Variants in BARX2 observed in about 807,000 individuals in gnomAD.
The protein encoded by BARX2 is BARX homeobox 2, also known as homeobox protein BarH-like 2.
Under a neutral mutation model 25.5 loss-of-function variants are expected in BARX2, and 11 were observed. That is an observed-to-expected ratio of 0.43 (90% CI 0.27 to 0.71). The LOEUF (loss-of-function observed/expected upper bound fraction) is 0.71, where lower values mean the gene tolerates loss of function less well. Among genes scored for constraint, BARX2 ranks in the 30% least tolerant of loss-of-function variants. BARX2 has a pLI of 0.19. For missense variants in BARX2, 360 were observed against 359.9 expected, an observed-to-expected ratio of 1.00 and a Z score of 0.00; for synonymous variants, 137 against 149.5, an observed-to-expected ratio of 0.92 and a Z score of 0.61.
chr11:129,410,855 C>G (rs60799487), intron 1 of BARX2, among the ~76,000 whole-genome samples: 48,036 of 152,082 alleles, frequency 0.32, 8,937 homozygotes, highest in African/African-American at 0.52. Context: ...TCTGCTGTGC[C>G]TGACTCTGCC....
Position 129,451,424 on chromosome 11 carries a change from G to A in BARX2, c.*22G>A, listed in dbSNP as rs773346630. ...CTAAAGTAAAACCCTTTTGAGGGAAGAGGGAGACTGGGGAGAAGGGAAAAG... is the reference window on the plus strand; with the variant it reads ...CTAAAGTAAAACCCTTTTGAGGGAAAAGGGAGACTGGGGAGAAGGGAAAAG... On this transcript the variant is annotated 3_prime_UTR_variant, in exon 4 of 4. Coordinates refer to ENST00000281437, the MANE Select transcript of BARX2 (RefSeq NM_003658.5). The A allele has an allele frequency of 3.7e-6, 6 of 1,603,554 alleles. No homozygotes were observed. Among genetic ancestry groups the A allele is most frequent in the Non-Finnish European group, 8.5e-7 (1 of 1,171,960 alleles).
chr11:129,416,871 CTTTGTTT>C (rs1213364974), intron 1 of BARX2, among the ~76,000 whole-genome samples: 3 of 137,376 alleles, frequency 2.2e-5, no homozygotes, highest in African/African-American at 8.9e-5. Flanking sequence ...TATCCAGTGT[CTTTGTTT>C]TTTTTTTTTT....
At chr11:129,375,246 G>C (rs1409407510), upstream of BARX2, among the ~76,000 whole-genome samples, 2 of 152,216 alleles carry the variant, frequency 1.3e-5, no homozygotes, top group East Asian at 3.9e-4. This position sits in a 1 kb window ranked among gnomAD's most constrained non-coding sequence, Gnocchi z 4.0. Flanking sequence ...CGCGGGCTGC[G>C]AGACTGCGAG....
intron 1 of BARX2, among the ~76,000 whole-genome samples, chr11:129,411,164 G>A (rs1260232229): frequency 6.6e-6 from 1 of 152,122 alleles, no homozygotes; most frequent in African/African-American, 2.4e-5. Context: ...GAGGTCAAGA[G>A]TTCGAGACCA....
At chr11:129,413,896 T>A (rs574733173) in intron 1 of BARX2, among the ~76,000 whole-genome samples, 7 of 152,062 alleles carry the variant, frequency 4.6e-5, no homozygotes, top group Admixed American at 2.0e-4. Context: ...AACCCGTCTC[T>A]ACTAAATACA....
intron 1 of BARX2, among the ~76,000 whole-genome samples, chr11:129,396,392 C>CTT (rs751936942): frequency 2.1e-5 from 3 of 143,208 alleles, no homozygotes; most frequent in Admixed American, 7.0e-5. Context: ...CCCCACTCAC[C>CTT]TTTTTTTTTT....
intron 1 of BARX2, among the ~76,000 whole-genome samples, chr11:129,420,517 A>G (rs1001800670): frequency 6.6e-6 from 1 of 152,224 alleles, no homozygotes; most frequent in Non-Finnish European, 1.5e-5. Flanking sequence ...ATTAGAAAAA[A>G]TAATCTCTCT....
chr11:129,399,008 T>C (rs1325231944), intron 1 of BARX2, among the ~76,000 whole-genome samples: 3 of 152,216 alleles, frequency 2.0e-5, no homozygotes, highest in African/African-American at 7.2e-5. Flanking sequence ...CATTCTGGAA[T>C]TGCAGTTCAA....
Position 129,411,094 on chromosome 11 carries a change from G to A in BARX2, c.188-25657G>A, listed in dbSNP as rs73024979. Among the ~76,000 whole-genome samples the A allele has an allele frequency of 6.6e-5, 10 of 152,172 alleles. No individual in the cohort carries two copies. The East Asian group carries it at 1.2e-3, about 18-fold the overall frequency. ...TGTTTAAAGAATAGCAGAGTGGGCCGGGCCCAGTGGCTCACGCCTGTAATC... is the reference window on the plus strand; with the variant it reads ...TGTTTAAAGAATAGCAGAGTGGGCCAGGCCCAGTGGCTCACGCCTGTAATC... On this transcript the variant is annotated intron_variant, in intron 1 of 3. Coordinates refer to ENST00000281437, the MANE Select transcript of BARX2 (RefSeq NM_003658.5).
chr11:129,438,264 G>A (rs1198592762), intron 2 of BARX2: 2 of 148,950 alleles, frequency 1.3e-5, no homozygotes, highest in Non-Finnish European at 3.0e-5. Context: ...GGAGGTTGCA[G>A]TGAGCCAAAA....
intron 1 of BARX2, among the ~76,000 whole-genome samples, chr11:129,379,266 C>T (rs1365954272): frequency 6.6e-6 from 1 of 152,128 alleles, no homozygotes. Flanking sequence ...AGAATGCCTC[C>T]ATTTGAAAAG....
chr11:129,439,912 AT>A (rs10694005), intron 2 of BARX2, among the ~76,000 whole-genome samples: 8,593 of 151,072 alleles, frequency 0.057, 320 homozygotes, highest in Middle Eastern at 0.13. Flanking sequence ...AAGTCAGAGA[AT>A]TTTTTTTTTC....
chr11:129,379,250 C>A (rs1861536567), intron 1 of BARX2, among the ~76,000 whole-genome samples: 1 of 152,084 alleles, frequency 6.6e-6, no homozygotes, highest in Non-Finnish European at 1.5e-5. Context: ...AACAGCTAAG[C>A]CCAAAAGAAT....
intron 1 of BARX2, among the ~76,000 whole-genome samples, chr11:129,378,714 C>T (rs7952166): frequency 0.31 from 46,723 of 149,884 alleles, 7,483 homozygotes; most frequent in Non-Finnish European, 0.35. Flanking sequence ...GATTTAAAGA[C>T]GTGTAACAGA....
chr11:129,431,134 C>T (rs979787516), intron 1 of BARX2, among the ~76,000 whole-genome samples: 2 of 152,092 alleles, frequency 1.3e-5, no homozygotes, highest in African/African-American at 2.4e-5. Context: ...GTGCATCAAT[C>T]GTTTTATTGC....
In BARX2 at chr11:129,390,531, G is replaced by A. The variant is rs1169900542; in HGVS notation, c.187+14309G>A. ...GGGAGTAGGCAGGAATGGGGTGGGA[G>A]TGGAAAAGGAATGTTGGCCAATGGG... On this transcript the variant is annotated intron_variant, in intron 1 of 3. Coordinates refer to ENST00000281437, the MANE Select transcript of BARX2 (RefSeq NM_003658.5). This position sits in a 1 kb window ranked among gnomAD's most constrained non-coding sequence, Gnocchi z 4.3. Among the ~76,000 whole-genome samples, 1 of 152,106 alleles carries A rather than the reference G, an allele frequency of 6.6e-6. No homozygotes were observed. The highest frequency in any genetic ancestry group is 2.4e-5 in the African/African-American group (1 of 41,430).
At chr11:129,381,081 C>T (rs377171137) in intron 1 of BARX2, among the ~76,000 whole-genome samples, 5 of 152,130 alleles carry the variant, frequency 3.3e-5, no homozygotes, top group African/African-American at 4.8e-5. Context: ...GCTGTGAAGT[C>T]GGTTTTAACT....
At chr11:129,431,058 C>T (rs558139478) in intron 1 of BARX2, among the ~76,000 whole-genome samples, 10 of 152,196 alleles carry the variant, frequency 6.6e-5, no homozygotes, top group South Asian at 2.1e-4. Flanking sequence ...GACAGGGTTT[C>T]GCCATGTTGG....
chr11:129,393,337 T>G (rs56822901), intron 1 of BARX2, among the ~76,000 whole-genome samples: 5,127 of 152,250 alleles, frequency 0.034, 291 homozygotes, highest in African/African-American at 0.12. Context: ...CTCAAGAATT[T>G]CTTATTTTGA....
Sources: allele counts gnomAD v4.1 joint callset (sites outside exome capture counted in the v4.1 genomes callset), GRCh38; gene constraint gnomAD v4.1.1; non-coding constraint Gnocchi (gnomAD v3.1); transcripts MANE v1.5; gene names NCBI Gene and HGNC (gene_info 2026-07-23, HGNC 2026-07-21).